Variants in AMPH observed in about 807,000 individuals in gnomAD.
The protein encoded by AMPH is amphiphysin (Stiff-Mann syndrome with breast cancer 128kD autoantigen).
A neutral mutation model predicts 99.1 loss-of-function variants in AMPH; 49 were observed. That is an observed-to-expected ratio of 0.49 (90% CI 0.39 to 0.63). AMPH has a LOEUF of 0.63. AMPH is among the 20% of genes least tolerant of loss of function. The pLI, the probability that AMPH is intolerant of heterozygous loss-of-function variation, is 0.00. For missense variants in AMPH, 759 were observed against 863.4 expected (o/e 0.88, Z 1.52); for synonymous variants, 314 against 317.3 (o/e 0.99, Z 0.11).
chr7:38,628,381 C>T (rs1794331733), intron 1 of AMPH, among the ~76,000 whole-genome samples: 1 of 152,138 alleles, frequency 6.6e-6, no homozygotes, highest in Non-Finnish European at 1.5e-5. Context: ...ACCTTGGATG[C>T]AATAAGTCTT....
chr7:38,406,834 A>C (rs1785023894), intron 17 of AMPH, among the ~76,000 whole-genome samples: 1 of 140,406 alleles, frequency 7.1e-6, no homozygotes, highest in Admixed American at 7.2e-5. Context: ...GGGACTTAAC[A>C]CCAGTGGCCT....
At chr7:38,480,697 G>A (rs771652449) in intron 5 of AMPH, among the ~76,000 whole-genome samples, 1 of 152,178 alleles carries the variant, frequency 6.6e-6, no homozygotes, top group Non-Finnish European at 1.5e-5. Flanking sequence ...GCAGAGTAGA[G>A]TGGAAACCCT....
At chr7:38,508,698 A>G (rs1316485939) in intron 2 of AMPH, among the ~76,000 whole-genome samples, 1 of 152,196 alleles carries the variant, frequency 6.6e-6, no homozygotes, top group African/African-American at 2.4e-5. Context: ...CCAGAGTTAC[A>G]TTATTATTTT....
At chr7:38,573,884 TG>T (rs1792137093) in intron 1 of AMPH, among the ~76,000 whole-genome samples, 1 of 152,230 alleles carries the variant, frequency 6.6e-6, no homozygotes, top group South Asian at 2.1e-4. Flanking sequence ...TTAATTTTCA[TG>T]ACTGTCCTAA....
At chr7:38,559,149 G>C (rs1290269372) in intron 1 of AMPH, among the ~76,000 whole-genome samples, 4 of 152,186 alleles carry the variant, frequency 2.6e-5, no homozygotes, top group African/African-American at 9.7e-5. Context: ...TGTGCAGCTT[G>C]CCAGCTGCCA....
Position 38,401,554 on chromosome 7 carries a change from A to G in AMPH, c.1399-7340T>C, listed in dbSNP as rs569080843. ...TTTCTGCTGCTTTCCTACATGACCA[A>G]CTATTGACTTGGGGTAGAATTACTG... On this transcript the variant is annotated intron_variant, in intron 17 of 20. Coordinates refer to ENST00000356264, the MANE Select transcript of AMPH (RefSeq NM_001635.4). 3.6e-4 allele frequency among the ~76,000 whole-genome samples: 55 copies of G among 152,270 alleles called. No individual in the cohort carries two copies. The South Asian group carries it at 0.011, about 31-fold the overall frequency.
chr7:38,435,415 T>C (rs1786222852), intron 12 of AMPH, among the ~76,000 whole-genome samples: 1 of 152,244 alleles, frequency 6.6e-6, no homozygotes, highest in African/African-American at 2.4e-5. Context: ...GGTTGAATGT[T>C]ACAATATTCT....
chr7:38,469,927 C>T (rs1787816127), intron 7 of AMPH, among the ~76,000 whole-genome samples: 2 of 152,178 alleles, frequency 1.3e-5, no homozygotes, highest in African/African-American at 2.4e-5. Context: ...ACCCACTAAC[C>T]TAATTTCCTG....
intron 1 of AMPH, among the ~76,000 whole-genome samples, chr7:38,575,564 C>G (rs1792207367): frequency 6.6e-6 from 1 of 152,128 alleles, no homozygotes; most frequent in Non-Finnish European, 1.5e-5. Context: ...TAACATTTCA[C>G]TCAAACCTCT....
intron 11 of AMPH, among the ~76,000 whole-genome samples, chr7:38,447,980 A>T (rs566648943): frequency 2.4e-4 from 36 of 152,332 alleles, no homozygotes; most frequent in African/African-American, 7.9e-4. Flanking sequence ...GAGGTAGAGT[A>T]GGAAGCTTAA....
At chr7:38,436,446 C>A (rs1461042018) in intron 11 of AMPH, 58 bp from the exon 12 acceptor site, 2 of 1,242,050 alleles carry the variant, frequency 1.6e-6, no homozygotes, top group South Asian at 2.4e-5. Context: ...TCTGATAAGA[C>A]CATGATATAG....
chr7:38,438,885 A>G (rs1347567807), intron 11 of AMPH, among the ~76,000 whole-genome samples: 1 of 152,240 alleles, frequency 6.6e-6, no homozygotes, highest in Non-Finnish European at 1.5e-5. Context: ...AGCTAATGTT[A>G]TTAATTACCA....
chr7:38,423,178 T>A (rs1436604583), intron 15 of AMPH, among the ~76,000 whole-genome samples: 1 of 152,218 alleles, frequency 6.6e-6, no homozygotes, highest in Non-Finnish European at 1.5e-5. Context: ...GTGAATTCAA[T>A]CTCACTATAT....
chr7:38,440,172 A>C (rs1786450321), intron 11 of AMPH, among the ~76,000 whole-genome samples: 1 of 152,194 alleles, frequency 6.6e-6, no homozygotes, highest in Non-Finnish European at 1.5e-5. Context: ...TAAATTCATA[A>C]AAAGAACCAG....
intron 7 of AMPH, among the ~76,000 whole-genome samples, chr7:38,469,272 C>A (rs957056696): frequency 6.6e-6 from 1 of 151,368 alleles, no homozygotes; most frequent in Admixed American, 6.6e-5. Context: ...CACAGGGACT[C>A]TGAGACATCA....
chr7:38,406,188 TC>T (rs1186247136), intron 17 of AMPH, among the ~76,000 whole-genome samples: 3 of 151,954 alleles, frequency 2.0e-5, no homozygotes, highest in Non-Finnish European at 4.4e-5. Flanking sequence ...ACACAACATA[TC>T]AAAACTTCTG....
At chr7:38,480,262 G>T (rs1471824580) in intron 5 of AMPH, among the ~76,000 whole-genome samples, 1 of 152,076 alleles carries the variant, frequency 6.6e-6, no homozygotes, top group Non-Finnish European at 1.5e-5. Flanking sequence ...ATTAGAAGTT[G>T]GCCCCAGTGA....
At chr7:38,551,882 A>G (rs1375601538) in intron 1 of AMPH, among the ~76,000 whole-genome samples, 3 of 152,274 alleles carry the variant, frequency 2.0e-5, no homozygotes, top group African/African-American at 7.2e-5. Context: ...TGGGTGCAAG[A>G]GCAACTGAAA....
chr7:38,583,095 C>T (rs1020032314), intron 1 of AMPH, among the ~76,000 whole-genome samples: 2 of 152,260 alleles, frequency 1.3e-5, no homozygotes, highest in South Asian at 4.2e-4. Flanking sequence ...TCACCACCAT[C>T]CCGCTTATTC....
Sources: allele counts gnomAD v4.1 joint callset (sites outside exome capture counted in the v4.1 genomes callset), GRCh38; gene constraint gnomAD v4.1.1; transcripts MANE v1.5; gene names NCBI Gene and HGNC (gene_info 2026-07-23, HGNC 2026-07-21).